SLC35F3: variants seen among roughly 807,000 people sequenced by gnomAD.
SLC35F3 encodes the protein putative thiamine transporter SLC35F3.
Under a neutral mutation model 49.9 loss-of-function variants are expected in SLC35F3, and 25 were observed. That is an observed-to-expected ratio of 0.50 (90% CI 0.37 to 0.70). SLC35F3 has a LOEUF of 0.70. Among genes scored for constraint, SLC35F3 ranks in the 30% least tolerant of loss-of-function variants. The pLI, the probability that SLC35F3 is intolerant of heterozygous loss-of-function variation, is 0.00. For missense variants in SLC35F3, 525 were observed against 639.8 expected (o/e 0.82, Z 1.94); for synonymous variants, 275 against 265.4 (o/e 1.04, Z -0.35).
At chr1:234,227,633 C>T (rs1450885838) in intron 2 of SLC35F3, among the ~76,000 whole-genome samples, 2 of 151,932 alleles carry the variant, frequency 1.3e-5, no homozygotes. Flanking sequence ...CTCCTGACCT[C>T]GTGATCCGCC....
intron 4 of SLC35F3, among the ~76,000 whole-genome samples, chr1:234,314,469 G>A (rs1308547609): frequency 6.6e-6 from 1 of 152,184 alleles, no homozygotes; most frequent in Non-Finnish European, 1.5e-5. Context: ...CTCAATAAAA[G>A]GTAGCTCCAG....
In SLC35F3 at chr1:234,316,606, T is replaced by C. The variant is rs1292897523; in HGVS notation, c.833T>C (p.Val278Ala). ...LRDRFMGVRIVAAILAIAGIV... is the reference protein window; with the variant it reads ...LRDRFMGVRIAAAILAIAGIV... ...CATTTTCTTCCGTCTGTCCAGATTGTGGCCGCCATCCTCGCCATCGCTGGC... is the reference window on the plus strand; with the variant it reads ...CATTTTCTTCCGTCTGTCCAGATTGCGGCCGCCATCCTCGCCATCGCTGGC... The change falls in exon 5 of 8, where the codon GTG (valine) becomes GCG (alanine). Residue 278 changes from valine (V) to alanine (A), a missense_variant. This residue lies in a region of SLC35F3 where 216 missense variants were observed against 298.1 expected (regional missense o/e 0.72). Transcript: ENST00000366618. The C allele has an allele frequency of 1.2e-6, 2 of 1,607,950 alleles. No individual in the cohort carries two copies. Among genetic ancestry groups the C allele is most frequent in the Non-Finnish European group, 1.7e-6 (2 of 1,175,044 alleles).
intron 2 of SLC35F3, among the ~76,000 whole-genome samples, chr1:234,093,061 G>T (rs1665066786): frequency 1.3e-5 from 2 of 152,158 alleles, no homozygotes. Flanking sequence ...TAGAGTGTCT[G>T]GATTGTGGGA....
At chr1:233,954,341 A>G (rs1035922827) in intron 2 of SLC35F3, among the ~76,000 whole-genome samples, 6 of 152,270 alleles carry the variant, frequency 3.9e-5, no homozygotes, top group African/African-American at 1.4e-4. Context: ...TGAGCTTCTG[A>G]CAAAATAAGG....
intron 2 of SLC35F3, among the ~76,000 whole-genome samples, chr1:233,941,962 G>GTTTTTTTTTTTTTTTT (rs547024039): frequency 2.5e-5 from 3 of 118,908 alleles, no homozygotes; most frequent in Non-Finnish European, 3.6e-5. Context: ...TTGTTTTTTT[G>GTTTTTTTTTTTTTTTT]TTTTTTTTTT....
At position 233,936,243 on chromosome 1, in the gene SLC35F3, T is replaced by C. The variant is rs113786236; in HGVS notation, c.283+30485T>C. Among the ~76,000 whole-genome samples the C allele has an allele frequency of 8.0e-3, 1,217 of 152,298 alleles. 12 individuals carry two copies. The highest frequency in any genetic ancestry group is 0.027 in the African/African-American group (1,140 of 41,566). Reference sequence around the variant, plus strand: ...GCCTAGTGAAGATAGAAAAGGAAGATAGGAAGAAAGGAGATGTTATTGATA... The same window carrying C: ...GCCTAGTGAAGATAGAAAAGGAAGACAGGAAGAAAGGAGATGTTATTGATA... On this transcript the variant is annotated intron_variant, in intron 2 of 7. Coordinates refer to ENST00000366618, the MANE Select transcript of SLC35F3 (RefSeq NM_173508.4).
At position 233,957,794 on chromosome 1, in the gene SLC35F3, G is replaced by A. The variant is rs577180722; in HGVS notation, c.283+52036G>A. ...TGCATGATTGCACTCCACCTAGGGC[G>A]ACAAAAGCGAAACTCCATCTCAAAA... On this transcript the variant is annotated intron_variant, in intron 2 of 7. Coordinates refer to ENST00000366618, the MANE Select transcript of SLC35F3 (RefSeq NM_173508.4). The surrounding 1 kb of genome is among the most constrained non-coding windows in gnomAD (Gnocchi z 4.0). 1.5e-4 allele frequency among the ~76,000 whole-genome samples: 23 copies of A among 151,898 alleles called. No homozygotes were observed. The highest frequency in any genetic ancestry group is 4.3e-4 in the African/African-American group (18 of 41,466).
In SLC35F3 at chr1:234,046,906, C is replaced by G. The variant is rs906880532; in HGVS notation, c.283+141148C>G. ...ATAGGTTTGTTTCTTTTACTATCCA[C>G]TGAATCTCCCTGTAATTAAGTGCCA... is the stretch of plus-strand genomic sequence containing the variant. On this transcript the variant is annotated intron_variant, in intron 2 of 7. Transcript: ENST00000366618. This position sits in a 1 kb window ranked among gnomAD's most constrained non-coding sequence, Gnocchi z 4.4. Among the ~76,000 whole-genome samples, 1 of 152,188 alleles carries G rather than the reference C, an allele frequency of 6.6e-6. No individual in the cohort carries two copies. The highest frequency in any genetic ancestry group is 2.4e-5 in the African/African-American group (1 of 41,460).
At chr1:234,304,567 A>C (rs1029479606) in intron 3 of SLC35F3, among the ~76,000 whole-genome samples, 1 of 152,198 alleles carries the variant, frequency 6.6e-6, no homozygotes, top group African/African-American at 2.4e-5. Flanking sequence ...CCCCACGCAC[A>C]TACCTATATA....
At chr1:234,139,999 T>TAAAATAAAATAAAATGAAA (rs1299007462) in intron 2 of SLC35F3, among the ~76,000 whole-genome samples, 1 of 110,004 alleles carries the variant, frequency 9.1e-6, no homozygotes, top group Non-Finnish European at 2.2e-5. Context: ...TAAAATAAAA[T>TAAAATAAAATAAAATGAAA]AAAGTAAGTG....
chr1:234,080,949 C>T (rs1183191342), intron 2 of SLC35F3, among the ~76,000 whole-genome samples: 2 of 152,014 alleles, frequency 1.3e-5, no homozygotes, highest in Non-Finnish European at 2.9e-5. Flanking sequence ...GCAAAAAAAA[C>T]CCTTCAAAGT....
intron 2 of SLC35F3, among the ~76,000 whole-genome samples, chr1:234,060,348 CTAT>C (rs1664522159): frequency 6.6e-6 from 1 of 152,134 alleles, no homozygotes; most frequent in East Asian, 1.9e-4. Context: ...AAGTTTCTAA[CTAT>C]TATTGTTGAA....
chr1:234,262,546 C>T (rs1667920938), intron 3 of SLC35F3, among the ~76,000 whole-genome samples: 1 of 152,196 alleles, frequency 6.6e-6, no homozygotes, highest in African/African-American at 2.4e-5. Context: ...GTTCCACTTC[C>T]TTCTAGGTAA....
At chr1:234,236,925 TTATA>T (rs55846915) in intron 3 of SLC35F3, among the ~76,000 whole-genome samples, 2,573 of 96,120 alleles carry the variant, frequency 0.027, 82 homozygotes, top group African/African-American at 0.063. Flanking sequence ...AAAAAAAAAA[TTATA>T]TATATATATA....
intron 2 of SLC35F3, among the ~76,000 whole-genome samples, chr1:234,171,015 C>T (rs1040429241): frequency 2.0e-5 from 3 of 152,182 alleles, no homozygotes; most frequent in African/African-American, 7.2e-5. Context: ...ATAGGTTCAG[C>T]GTTTGTCAGC....
At chr1:233,916,828 G>A (rs147651922) in intron 2 of SLC35F3, among the ~76,000 whole-genome samples, 91 of 152,306 alleles carry the variant, frequency 6.0e-4, no homozygotes, top group East Asian at 7.7e-4. Flanking sequence ...CGAGGCCGAG[G>A]CTTCAGAAAA....
At chr1:234,315,553 G>C (rs1657468646) in intron 4 of SLC35F3, among the ~76,000 whole-genome samples, 1 of 152,174 alleles carries the variant, frequency 6.6e-6, no homozygotes, top group Non-Finnish European at 1.5e-5. Flanking sequence ...TACAAAATGA[G>C]GTGAATGATA....
chr1:233,983,318 C>T (rs896660747), intron 2 of SLC35F3, among the ~76,000 whole-genome samples: 7 of 152,102 alleles, frequency 4.6e-5, no homozygotes, highest in African/African-American at 1.4e-4. Flanking sequence ...AATCCTTCAT[C>T]GAGCTCGGGA....
At chr1:234,285,198 C>T (rs1400979259) in intron 3 of SLC35F3, 3 of 390,622 alleles carry the variant, frequency 7.7e-6, no homozygotes, top group Non-Finnish European at 1.5e-5. Flanking sequence ...CGTGTAGACT[C>T]ATGCACAGAA....
Sources: gnomAD v4.1 joint callset for allele counts (sites outside exome capture counted in the v4.1 genomes callset) on GRCh38, gnomAD v4.1.1 for gene constraint, gnomAD v4.1.1 regional missense constraint, Gnocchi (gnomAD v3.1) non-coding constraint, MANE v1.5 for transcripts, NCBI Gene and HGNC (gene_info 2026-07-23, HGNC 2026-07-21) for gene names.